HOOK2: variants seen among roughly 807,000 people sequenced by gnomAD.
HOOK2 encodes the protein protein Hook homolog 2.
In HOOK2, 108 loss-of-function variants were observed where a neutral mutation model predicts 111.9. That is an observed-to-expected ratio of 0.96 (90% CI 0.83 to 1.13). The LOEUF is 1.13. Among genes scored for constraint, HOOK2 ranks in the 50% most tolerant of loss-of-function variants. The pLI is 0.00. For synonymous variants in HOOK2, 405 were observed against 394.3 expected (o/e 1.03, Z -0.32); for missense variants, 978 against 951.3 (o/e 1.03, Z -0.37).
intron 18 of HOOK2, 23 bp from the exon 19 acceptor site, chr19:12,765,104 A>C (rs370240416): frequency 3.1e-6 from 5 of 1,613,188 alleles, no homozygotes; most frequent in Non-Finnish European, 4.2e-6. Context: ...GATGAGCAGC[A>C]GTGGGCTGAC....
chr19:12,789,453 C>A (rs1968684657), intron 3 of HOOK2, among the ~76,000 whole-genome samples: 2 of 152,224 alleles, frequency 1.3e-5, no homozygotes, highest in African/African-American at 4.8e-5. Flanking sequence ...GAGGGGGGCT[C>A]CCTCTAGGTA....
chr19:12,788,229 G>A (rs566422664), intron 3 of HOOK2, among the ~76,000 whole-genome samples: 18 of 152,282 alleles, frequency 1.2e-4, no homozygotes, highest in South Asian at 4.1e-4. Context: ...GCTTCTAGCT[G>A]TTGGACACCA....
chr19:12,765,928 T>A lies in HOOK2; in HGVS notation c.1598A>T (p.Asp533Val). 1 of 1,613,926 alleles carries A rather than the reference T, an allele frequency of 6.2e-7. No homozygotes were observed. The highest frequency in any genetic ancestry group is 8.5e-7 in the Non-Finnish European group (1 of 1,179,880). The change falls in exon 16 of 23, where the codon GAT (aspartate) becomes GTT (valine). Residue 533 changes from aspartate to valine, a missense_variant and splice_region_variant. By Grantham distance (152) the Asp-to-Val change is radical. Transcript: ENST00000397668. Reference sequence around the variant, plus strand: ...TGGGAGGTGGTGGGTGACACTCACATCTTCAGTCTTGCCCCCCTGCTCCTG... The same window carrying A: ...TGGGAGGTGGTGGGTGACACTCACAACTTCAGTCTTGCCCCCCTGCTCCTG... ...ALQEQGGKTE[D>V]AISILLKRKL...
chr19:12,774,527 C>A (rs1426505004), intron 3 of HOOK2, 142 bp downstream of exon 3: 2 of 810,300 alleles, frequency 2.5e-6, no homozygotes, highest in Middle Eastern at 2.2e-4. Flanking sequence ...GGTGAGTACT[C>A]CATAGATGAA....
Position 12,770,895 on chromosome 19 carries a change from G to T in HOOK2, c.902+37C>A, listed in dbSNP as rs373727555. On this transcript the variant is annotated intron_variant, in intron 10 of 22. Transcript: ENST00000397668. ...AACTCTGGAAACAGGTTTACCCCCC[G>T]CCCCCCGTGATGGGGACCCAGGAAC... 2.2e-5 allele frequency: 35 copies of T among 1,567,146 alleles called. 2 individuals carry two copies. The East Asian group carries it at 8.0e-4, about 36-fold the overall frequency.
At chr19:12,764,741 G>A in intron 20 of HOOK2, 73 bp downstream of exon 20, 1 of 1,298,882 alleles carries the variant, frequency 7.7e-7, no homozygotes. Context: ...CAAGCAGGAG[G>A]TTTGACTCAA....
chr19:12,788,744 G>GC (rs1568380759), intron 3 of HOOK2, among the ~76,000 whole-genome samples: 1 of 152,208 alleles, frequency 6.6e-6, no homozygotes, highest in South Asian at 2.1e-4. Flanking sequence ...TGCCCGCTGC[G>GC]CCCCCGCGGG....
chr19:12,771,580 C>A, intron 7 of HOOK2, 103 bp from the exon 8 acceptor site: 1 of 1,006,800 alleles, frequency 9.9e-7, no homozygotes, highest in Non-Finnish European at 1.5e-6. Flanking sequence ...AAGAAACCCT[C>A]AGGATTGAAA....
At chr19:12,782,885 A>AC (rs377293013), upstream of HOOK2, among the ~76,000 whole-genome samples, 89,049 of 145,064 alleles carry the variant, frequency 0.61, 28,879 homozygotes, top group Middle Eastern at 0.75. Context: ...TGGAGCTGAG[A>AC]CCCCCCCCCC....
At position 12,763,311 on chromosome 19, in the gene HOOK2, G is replaced by A. The variant is rs1481707486; in HGVS notation, c.2131C>T (p.Leu711=). The A allele has an allele frequency of 6.2e-7, 1 of 1,613,870 alleles. No homozygotes were observed. The highest frequency in any genetic ancestry group is 8.5e-7 in the Non-Finnish European group (1 of 1,180,056). Reference sequence around the variant, plus strand: ...TGCTTGTCAGTGGGGCGAAGGTTCAGAGATGCCAGGCGTCCCAAGGGTCCA... The same window carrying A: ...TGCTTGTCAGTGGGGCGAAGGTTCAAAGATGCCAGGCGTCCCAAGGGTCCA... ...RRGPLGRLAS[L]NLRPTDKH The change falls in exon 23 of 23, where the codon CTG becomes TTG. Residue 711 remains leucine (L), a synonymous_variant. Coordinates refer to ENST00000397668, the MANE Select transcript of HOOK2 (RefSeq NM_013312.3).
intron 14 of HOOK2, chr19:12,766,486 C>G (rs959242679): frequency 4.2e-6 from 2 of 481,762 alleles, no homozygotes; most frequent in Non-Finnish European, 7.3e-6. Flanking sequence ...TGGATTCGAA[C>G]AGCTGGGATG....
chr19:12,766,121 C>CGTT lies in HOOK2; in HGVS notation c.1492_1493insAAC (p.Gly498delinsGluArg), dbSNP rs1229556163. ...CGCTCACCGGTGCTGCGTCTCCAAC[C>CGTT]CGTGGCGCGCGCGGTTGGCATCCTC... On this transcript the variant is annotated protein_altering_variant, in exon 15 of 23. Transcript: ENST00000397668. 9 of 1,602,108 alleles carry CGTT rather than the reference C, an allele frequency of 5.6e-6. No individual in the cohort carries two copies. The highest frequency in any genetic ancestry group is 6.8e-6 in the Non-Finnish European group (8 of 1,178,946).
In HOOK2 at chr19:12,766,242, TGCA is replaced by T. The variant is rs1968141864; in HGVS notation, c.1374-5_1374-3del. The T allele has an allele frequency of 1.3e-6, 2 of 1,571,198 alleles. No individual in the cohort carries two copies. Among genetic ancestry groups the T allele is most frequent in the Non-Finnish European group, 1.7e-6 (2 of 1,165,352 alleles). On this transcript the variant is annotated splice_region_variant and splice_polypyrimidine_tract_variant and intron_variant, in intron 14 of 22. Coordinates refer to ENST00000397668, the MANE Select transcript of HOOK2 (RefSeq NM_013312.3). ...AGCTGAAGCCGCAGGAGCGTCTCCC[TGCA>T]GACCCGGGAGGAGAGAGCAGGGCCA... is the stretch of plus-strand genomic sequence containing the variant.
intron 18 of HOOK2, 83 bp from the exon 19 acceptor site, chr19:12,765,164 C>G: frequency 7.2e-7 from 1 of 1,390,072 alleles, no homozygotes; most frequent in Non-Finnish European, 1.0e-6. Flanking sequence ...GACCTCCCCG[C>G]CAGCCAGAAA....
rs551394644 is a variant in HOOK2 at position 12,771,830 on chromosome 19, C to T, written c.520-353G>A. On this transcript the variant is annotated intron_variant, in intron 7 of 22. Transcript: ENST00000397668. ...CCGGGAGGCGGAGGTTGCAGTGAGC[C>T]GAGATCGTGCCACTGCACTCCAGCC... The T allele has an allele frequency of 5.7e-5, 19 of 335,524 alleles. No homozygotes were observed. In the South Asian group the frequency reaches 7.0e-4, roughly 12 times the overall value. The allele number at this position is 335,524 out of a possible 1,614,324, so 20.8% of individuals were successfully genotyped here. A position where few individuals can be genotyped will look rare whatever the true frequency, so the allele number is the denominator to read the frequency against.
intron 9 of HOOK2, 26 bp downstream of exon 9, chr19:12,771,133 C>T (rs774435203): frequency 3.1e-6 from 5 of 1,612,020 alleles, no homozygotes; most frequent in African/African-American, 2.7e-5. Flanking sequence ...CCTGGCTTGC[C>T]TGGCCCAGTC....
At chr19:12,768,705 C>T (rs926371915) in intron 11 of HOOK2, among the ~76,000 whole-genome samples, 1 of 152,114 alleles carries the variant, frequency 6.6e-6, no homozygotes, top group Non-Finnish European at 1.5e-5. Context: ...AACTGCTGGC[C>T]TCAAGCGATC....
In HOOK2 at chr19:12,772,495, C is replaced by T. The variant is rs577764419; in HGVS notation, c.456+118G>A. On this transcript the variant is annotated intron_variant, in intron 6 of 22. Coordinates refer to ENST00000397668, the MANE Select transcript of HOOK2 (RefSeq NM_013312.3). ...ACATGAGACAGAGATGTCTGGCCAG[C>T]TGAGTTCCAGGCAGAGTCCAGACCT... The T allele has an allele frequency of 7.6e-6, 9 of 1,186,416 alleles. No individual in the cohort carries two copies. In the South Asian group the frequency reaches 1.2e-4, roughly 16 times the overall value. The allele number at this position is 1,186,416 out of a possible 1,614,324, so 73.5% of individuals were successfully genotyped here.
In HOOK2 at chr19:12,766,796, G is replaced by A. The variant is rs570454244; in HGVS notation, c.1374-556C>T. On this transcript the variant is annotated intron_variant, in intron 14 of 22. Transcript: ENST00000397668. ...GACGGGGTTTCACCGTGTTAGCCAG[G>A]ATGGTCTCGATCTCCTGACCTTGTG... Among the ~76,000 whole-genome samples the A allele has an allele frequency of 2.6e-5, 4 of 152,280 alleles. No individual in the cohort carries two copies. In the South Asian group the frequency reaches 8.3e-4, roughly 32 times the overall value.
Sources: gnomAD v4.1 joint callset for allele counts (sites outside exome capture counted in the v4.1 genomes callset) on GRCh38, gnomAD v4.1.1 for gene constraint, MANE v1.5 for transcripts, NCBI Gene and HGNC (gene_info 2026-07-23, HGNC 2026-07-21) for gene names.